INSYN2B: variants seen among roughly 807,000 people sequenced by gnomAD.
INSYN2B encodes protein INSYN2B.
A neutral mutation model predicts 41.2 loss-of-function variants in INSYN2B; 16 were observed. The ratio of observed to expected loss-of-function variants is 0.39; its 90% CI spans 0.26 to 0.59. The LOEUF is 0.59. Ranked by LOEUF, INSYN2B falls within the 20% of genes least tolerant of loss-of-function variation. The pLI is 0.57. For synonymous variants in INSYN2B, 245 were observed against 244.4 expected (o/e 1.00, Z -0.02); for missense variants, 608 against 646.4 (o/e 0.94, Z 0.64).
At chr5:169,930,780 C>T (rs1030281476) in intron 1 of INSYN2B, among the ~76,000 whole-genome samples, 1 of 152,190 alleles carries the variant, frequency 6.6e-6, no homozygotes, top group Non-Finnish European at 1.5e-5. Flanking sequence ...CCTCCATTTC[C>T]AGGTTGTTGA....
intron 1 of INSYN2B, among the ~76,000 whole-genome samples, chr5:169,936,067 G>C (rs1775979452): frequency 6.6e-6 from 1 of 152,112 alleles, no homozygotes; most frequent in South Asian, 2.1e-4. Context: ...TGTTTCCTAA[G>C]TATTTTTGCC....
Position 169,901,075 on chromosome 5 carries a change from G to T in INSYN2B, c.-918-16259C>A, listed in dbSNP as rs145917873. 5.3e-3 allele frequency among the ~76,000 whole-genome samples: 800 copies of T among 152,270 alleles called. 9 individuals are homozygous for T. Among genetic ancestry groups the T allele is most frequent in the African/African-American group, 0.016 (647 of 41,548 alleles). On this transcript the variant is annotated intron_variant, in intron 1 of 3. Transcript: ENST00000377365. ...ATGTTGTGACCAAAAAATAGAGGCC[G>T]GTGGGAGAATCATGAGTCCTAATTG...
At chr5:169,924,899 G>T (rs1040445040) in intron 1 of INSYN2B, among the ~76,000 whole-genome samples, 4 of 152,104 alleles carry the variant, frequency 2.6e-5, no homozygotes, top group African/African-American at 9.7e-5. Flanking sequence ...TCCTCTAGAA[G>T]TCCCCAGAAA....
intron 1 of INSYN2B, among the ~76,000 whole-genome samples, chr5:169,969,858 T>G (rs937274739): frequency 1.3e-5 from 2 of 152,254 alleles, no homozygotes; most frequent in Non-Finnish European, 1.5e-5. Context: ...CTTGGAAATA[T>G]AGACTGGGAT....
intron 1 of INSYN2B, among the ~76,000 whole-genome samples, chr5:169,899,120 GAGATATT>G (rs1378090768): frequency 6.6e-6 from 1 of 152,206 alleles, no homozygotes; most frequent in African/African-American, 2.4e-5. Flanking sequence ...TGGATTAGAA[GAGATATT>G]AGACATGGTG....
chr5:169,961,352 A>T (rs1777078959), intron 1 of INSYN2B, among the ~76,000 whole-genome samples: 1 of 152,258 alleles, frequency 6.6e-6, no homozygotes, highest in South Asian at 2.1e-4. Flanking sequence ...GAACAGAATT[A>T]AATTGAATTG....
intron 1 of INSYN2B, among the ~76,000 whole-genome samples, chr5:169,937,545 A>C (rs73800249): frequency 6.6e-6 from 1 of 152,250 alleles, no homozygotes; most frequent in African/African-American, 2.4e-5. Context: ...GATAATAGGA[A>C]CATATATTGA....
chr5:169,908,566 T>C (rs116008721), intron 1 of INSYN2B, among the ~76,000 whole-genome samples: 6,906 of 152,248 alleles, frequency 0.045, 237 homozygotes, highest in South Asian at 0.12. Context: ...ATATGGGTCC[T>C]GGACGTTTTT....
chr5:169,866,685 C>G (rs1376423867), intron 3 of INSYN2B, among the ~76,000 whole-genome samples: 2 of 152,182 alleles, frequency 1.3e-5, no homozygotes, highest in African/African-American at 2.4e-5. Context: ...AGCCAAAGCC[C>G]AGAATTTGCC....
intron 1 of INSYN2B, among the ~76,000 whole-genome samples, chr5:169,908,585 A>G (rs954948872): frequency 2.0e-5 from 3 of 152,212 alleles, no homozygotes; most frequent in Admixed American, 6.5e-5. Context: ...TTGTCTATCT[A>G]TAAATGCCAA....
intron 1 of INSYN2B, among the ~76,000 whole-genome samples, chr5:169,888,727 G>A (rs1478426787): frequency 6.6e-6 from 1 of 152,150 alleles, no homozygotes. Flanking sequence ...TTGTAAAACC[G>A]CCTAAACTGG....
intron 1 of INSYN2B, among the ~76,000 whole-genome samples, chr5:169,903,035 T>G (rs943647809): frequency 1.3e-5 from 2 of 149,858 alleles, no homozygotes; most frequent in Non-Finnish European, 3.0e-5. Context: ...GAGGTGGAGG[T>G]TGCAGTGAGC....
At chr5:169,877,680 T>C (rs1245998331) in intron 3 of INSYN2B, among the ~76,000 whole-genome samples, 1 of 152,150 alleles carries the variant, frequency 6.6e-6, no homozygotes, top group Non-Finnish European at 1.5e-5. Context: ...GATAGATTGA[T>C]ATAGATATCA....
intron 1 of INSYN2B, among the ~76,000 whole-genome samples, chr5:169,920,751 C>A (rs1775128499): frequency 6.6e-6 from 1 of 152,174 alleles, no homozygotes; most frequent in African/African-American, 2.4e-5. Flanking sequence ...ATAGCTGGAA[C>A]TTGGCCCTTC....
chr5:169,892,373 C>T (rs1038547741), intron 1 of INSYN2B, among the ~76,000 whole-genome samples: 2 of 152,240 alleles, frequency 1.3e-5, no homozygotes, highest in African/African-American at 4.8e-5. Flanking sequence ...GGAGCAGGAG[C>T]TAGGTGAACA....
At chr5:169,898,884 A>G (rs2066180931) in intron 1 of INSYN2B, among the ~76,000 whole-genome samples, 1 of 152,196 alleles carries the variant, frequency 6.6e-6, no homozygotes, top group Admixed American at 6.5e-5. Context: ...AAGTCAGAGA[A>G]CCAGATGGAA....
chr5:169,883,267 C>A lies in INSYN2B; in HGVS notation c.632G>T (p.Ser211Ile). The change falls in exon 2 of 4, where the codon AGT becomes ATT. Residue 211 changes from serine (S) to isoleucine (I), a missense_variant. Ser to Ile is a moderately radical substitution (Grantham distance 142). Transcript: ENST00000377365. Reference protein sequence around the residue: ...AIQVPDDIYHSPSWEARESAL... With the variant: ...AIQVPDDIYHIPSWEARESAL... ...AGACTCTCTAGCTTCCCAGGAAGGACTGTGATAAATATCATCTGGAACCTG... is the reference window on the plus strand; with the variant it reads ...AGACTCTCTAGCTTCCCAGGAAGGAATGTGATAAATATCATCTGGAACCTG... The A allele has an allele frequency of 6.4e-7, 1 of 1,551,606 alleles. No individual in the cohort carries two copies. The highest frequency in any genetic ancestry group is 8.7e-7 in the Non-Finnish European group (1 of 1,146,956).
intron 1 of INSYN2B, among the ~76,000 whole-genome samples, chr5:169,964,072 T>G (rs141216765): frequency 2.0e-3 from 306 of 152,130 alleles, no homozygotes; most frequent in African/African-American, 7.1e-3. Flanking sequence ...GAGGTACAAA[T>G]AAATATTTCC....
intron 1 of INSYN2B, among the ~76,000 whole-genome samples, chr5:169,927,219 A>C (rs1484108103): frequency 6.6e-6 from 1 of 152,128 alleles, no homozygotes; most frequent in Admixed American, 6.5e-5. Context: ...GAGTCATGAG[A>C]GAAGGGAAGC....
Sources: gnomAD v4.1 joint callset for allele counts (sites outside exome capture counted in the v4.1 genomes callset) on GRCh38, gnomAD v4.1.1 for gene constraint, MANE v1.5 for transcripts, NCBI Gene and HGNC (gene_info 2026-07-23, HGNC 2026-07-21) for gene names.